The following NLRP1 variants were observed in gnomAD, a reference collection of about 807,000 sequenced individuals.
NLRP1 encodes the protein NACHT, LRR and PYD domains-containing protein 1.
In NLRP1, 94 loss-of-function variants were observed where a neutral mutation model predicts 136.7. The observed-to-expected ratio is 0.69, with a 90% confidence interval of 0.58 to 0.82. NLRP1 has a LOEUF of 0.82. NLRP1 is among the 40% of genes least tolerant of loss of function. The pLI is 0.00. For missense variants in NLRP1, 1,575 were observed against 1,802.7 expected, an observed-to-expected ratio of 0.87 and a Z score of 2.29; for synonymous variants, 690 against 725.1, an observed-to-expected ratio of 0.95 and a Z score of 0.78.
chr17:5,567,266 T>C (rs531185458), intron 3 of NLRP1, among the ~76,000 whole-genome samples: 2 of 152,202 alleles, frequency 1.3e-5, no homozygotes, highest in East Asian at 3.9e-4. Context: ...CTTCCTCTAG[T>C]GAAGATGATT....
chr17:5,528,874 A>G (rs1454470377), intron 12 of NLRP1, among the ~76,000 whole-genome samples: 2 of 152,250 alleles, frequency 1.3e-5, no homozygotes, highest in African/African-American at 4.8e-5. Flanking sequence ...AACCCATTTA[A>G]TATCTAGCTA....
At chr17:5,518,545 T>C (rs550907349) in intron 14 of NLRP1, 16 of 151,574 alleles carry the variant, frequency 1.1e-4, no homozygotes, top group African/African-American at 3.9e-4. Context: ...CAGCCTTTTG[T>C]TTTTTTCTCT....
intron 5 of NLRP1, among the ~76,000 whole-genome samples, chr17:5,543,054 C>T (rs1305824412): frequency 6.6e-6 from 1 of 152,078 alleles, no homozygotes; most frequent in Non-Finnish European, 1.5e-5. Context: ...GGTCTTCAAC[C>T]CCTGACCTCA....
At chr17:5,561,011 A>T (rs1914673253) in intron 3 of NLRP1, among the ~76,000 whole-genome samples, 1 of 152,148 alleles carries the variant, frequency 6.6e-6, no homozygotes, top group Non-Finnish European at 1.5e-5. Context: ...TTTCTTCACA[A>T]TATGTTCAGT....
At chr17:5,534,599 G>A in intron 8 of NLRP1, among the ~76,000 whole-genome samples, 1 of 151,976 alleles carries the variant, frequency 6.6e-6, no homozygotes, top group East Asian at 1.9e-4. Flanking sequence ...ACCTCCACCT[G>A]AGTCCCAGGC....
chr17:5,522,786 G>A (rs1909060983), intron 12 of NLRP1, among the ~76,000 whole-genome samples: 1 of 152,230 alleles, frequency 6.6e-6, no homozygotes, highest in Non-Finnish European at 1.5e-5. Context: ...GTGCTGGTGT[G>A]GATTCTCTAT....
At chr17:5,556,115 T>TACACACACACACAC (rs59028107) in intron 4 of NLRP1, among the ~76,000 whole-genome samples, 10 of 119,072 alleles carry the variant, frequency 8.4e-5, no homozygotes, top group African/African-American at 3.4e-4. Flanking sequence ...TCTCTCTCTC[T>TACACACACACACAC]ACACACACAC....
chr17:5,533,794 C>A lies in NLRP1; in HGVS notation c.3052+103G>T, dbSNP rs60044929. ...AGCACCCTCTTGGGTAGGAAACCTG[C>A]CCCGTCCCACATCAGGGGCAGAGGG... On this transcript the variant is annotated intron_variant, in intron 9 of 16. Coordinates refer to ENST00000572272, the MANE Select transcript of NLRP1 (RefSeq NM_033004.4). The A allele has an allele frequency of 2.7e-3, 2,148 of 796,408 alleles. 32 individuals are homozygous for A. The African/African-American group carries it at 0.031, about 11-fold the overall frequency. 49.3% of individuals were successfully genotyped at this position (796,408 alleles called of 1,614,324 possible).
At chr17:5,501,751 G>T in exon 16 of NLRP1, 1 of 1,381,362 alleles carries the variant, frequency 7.2e-7, no homozygotes, top group Non-Finnish European at 1.0e-6. Flanking sequence ...GGTCTACTCA[G>T]GCCTCCTTGT....
At position 5,554,129 on chromosome 17, in the gene NLRP1, T is replaced by C. The variant is rs564683484; in HGVS notation, c.2358-573A>G. On this transcript the variant is annotated intron_variant, in intron 4 of 16. Coordinates refer to ENST00000572272, the MANE Select transcript of NLRP1 (RefSeq NM_033004.4). ...TGATGGAAGACTGTATATGATCATA[T>C]GCACTGCTGTCCAGGTTGGCTCACA... Among the ~76,000 whole-genome samples, 6 of 152,202 alleles carry C rather than the reference T, an allele frequency of 3.9e-5. No homozygotes were observed. The South Asian group carries it at 1.2e-3, about 32-fold the overall frequency.
At position 5,572,728 on chromosome 17, in the gene NLRP1, A is replaced by C. The variant is rs560245504; in HGVS notation, c.652+9131T>G. Among the ~76,000 whole-genome samples, 73 of 151,938 alleles carry C rather than the reference A, an allele frequency of 4.8e-4. No homozygotes were observed. In the South Asian group the frequency reaches 0.015, roughly 31 times the overall value. The stretch of plus-strand genomic sequence containing the variant: ...TTGTCTCAGAAAAAAAAAAAAAAAA[A>C]AGTGGACAAAGGACACCAATAGACT... On this transcript the variant is annotated intron_variant, in intron 3 of 16. Transcript: ENST00000572272.
At chr17:5,555,921 CGT>C (rs1256128199) in intron 4 of NLRP1, among the ~76,000 whole-genome samples, 1 of 151,454 alleles carries the variant, frequency 6.6e-6, no homozygotes, top group Non-Finnish European at 1.5e-5. Context: ...GGTGAAACCC[CGT>C]TTCTACTAAG....
At position 5,514,497 on chromosome 17, in the gene NLRP1, G is replaced by A; in HGVS notation, c.*257C>T. ...CTTGGCTGCTGTGGCCACCAGATGA[G>A]GCTCTATGAGGTCTGCAGGGGTCTT... On this transcript the variant is annotated 3_prime_UTR_variant, in exon 17 of 17. Transcript: ENST00000572272. 3.7e-6 allele frequency: 5 copies of A among 1,348,174 alleles called. No homozygotes were observed. The East Asian group carries it at 1.6e-4, about 42-fold the overall frequency. 83.5% of individuals were successfully genotyped at this position (1,348,174 alleles called of 1,614,324 possible).
At chr17:5,577,542 C>T (rs1396651568) in intron 3 of NLRP1, among the ~76,000 whole-genome samples, 1 of 152,134 alleles carries the variant, frequency 6.6e-6, no homozygotes, top group African/African-American at 2.4e-5. Context: ...CCTAGCAATC[C>T]AACTTACAAA....
intron 4 of NLRP1, among the ~76,000 whole-genome samples, chr17:5,557,995 C>G (rs1354946199): frequency 6.6e-6 from 1 of 151,912 alleles, no homozygotes; most frequent in Non-Finnish European, 1.5e-5. Flanking sequence ...GCTGCCTGAT[C>G]CTTGGGGAGT....
Position 5,582,081 on chromosome 17 carries a change from AAAAT to A in NLRP1, c.449-23_449-20del. The A allele has an allele frequency of 6.3e-7, 1 of 1,575,808 alleles. No homozygotes were observed. Among genetic ancestry groups the A allele is most frequent in the Non-Finnish European group, 8.7e-7 (1 of 1,151,308 alleles). On this transcript the variant is annotated intron_variant, in intron 2 of 16. Transcript: ENST00000572272. ...GAGATTTCTGGGGGGAATGAAAAGA[AAAAT>A]AACCATTTACTGAACATTTATTTTC... is the stretch of plus-strand genomic sequence containing the variant.
At chr17:5,569,159 C>T (rs1915617510) in intron 3 of NLRP1, among the ~76,000 whole-genome samples, 3 of 152,078 alleles carry the variant, frequency 2.0e-5, no homozygotes, top group Admixed American at 1.3e-4. Context: ...CATCACTGGC[C>T]ACCATAAAAC....
At chr17:5,575,986 C>T (rs959860092) in intron 3 of NLRP1, among the ~76,000 whole-genome samples, 1 of 152,170 alleles carries the variant, frequency 6.6e-6, no homozygotes, top group African/African-American at 2.4e-5. Flanking sequence ...CAAAACCGCT[C>T]AACTACATGG....
At position 5,554,904 on chromosome 17, in the gene NLRP1, C is replaced by T. The variant is rs191437404; in HGVS notation, c.2358-1348G>A. Among the ~76,000 whole-genome samples, 3 of 152,050 alleles carry T rather than the reference C, an allele frequency of 2.0e-5. No individual in the cohort carries two copies. The East Asian group carries it at 5.8e-4, about 29-fold the overall frequency. On this transcript the variant is annotated intron_variant, in intron 4 of 16. Transcript: ENST00000572272. ...CAATGTGGTGGTGTGCACCTGTAGT[C>T]CCAGCTACTCAGGAGGCTGAGGCAG...
Sources: allele counts gnomAD v4.1 joint callset (sites outside exome capture counted in the v4.1 genomes callset), GRCh38; gene constraint gnomAD v4.1.1; transcripts MANE v1.5; gene names NCBI Gene and HGNC (gene_info 2026-07-23, HGNC 2026-07-21).